The following PSD3 variants were observed in gnomAD, a reference collection of about 807,000 sequenced individuals.
PSD3 encodes the protein PH and SEC7 domain-containing protein 3.
A neutral mutation model predicts 105.5 loss-of-function variants in PSD3; 49 were observed. The ratio of observed to expected loss-of-function variants is 0.46; its 90% CI spans 0.37 to 0.59. The LOEUF is 0.59. Among genes scored for constraint, PSD3 ranks in the 20% least tolerant of loss-of-function variants. The pLI, the probability that PSD3 is intolerant of heterozygous loss-of-function variation, is 0.00. For synonymous variants in PSD3, 557 were observed against 457.8 expected (o/e 1.22, Z -2.77); for missense variants, 1,561 against 1,263.8 (o/e 1.24, Z -3.57).
chr8:18,586,923 C>T (rs1273577524), intron 12 of PSD3, among the ~76,000 whole-genome samples: 2 of 151,912 alleles, frequency 1.3e-5, no homozygotes, highest in Non-Finnish European at 2.9e-5. Flanking sequence ...GCTAGTGAGG[C>T]CCTTAAGGAT....
At chr8:18,707,194 C>T (rs752402475) in intron 9 of PSD3, among the ~76,000 whole-genome samples, 6 of 152,126 alleles carry the variant, frequency 3.9e-5, no homozygotes, top group Non-Finnish European at 5.9e-5. Context: ...CCTTCAAAAA[C>T]GCCTCAAAGC....
At chr8:18,883,969 T>G (rs1818289780) in intron 2 of PSD3, among the ~76,000 whole-genome samples, 1 of 152,162 alleles carries the variant, frequency 6.6e-6, no homozygotes, top group South Asian at 2.1e-4. Flanking sequence ...ATATTAATAT[T>G]ATGTTAGTAC....
chr8:18,820,563 C>G (rs1314108898), intron 4 of PSD3, among the ~76,000 whole-genome samples: 1 of 152,050 alleles, frequency 6.6e-6, no homozygotes, highest in Non-Finnish European at 1.5e-5. Flanking sequence ...AATGTAAATG[C>G]TATGTTAATA....
At position 19,069,961 on chromosome 8, in the gene PSD3, T is replaced by C. The variant is rs571881818; in HGVS notation, c.324+14245A>G. ...GCTTTTCTTTTTTCTTTTTTTTTTT[T>C]TTGAGACAGAGTCTTGCTCTGTCAC... is the stretch of plus-strand genomic sequence containing the variant. On this transcript the variant is annotated intron_variant, in intron 1 of 1. Transcript: ENST00000521475. Among the ~76,000 whole-genome samples the C allele has an allele frequency of 4.1e-3, 615 of 151,770 alleles. 1 individual carries two copies. Among genetic ancestry groups the C allele is most frequent in the Middle Eastern group, 6.8e-3 (2 of 294 alleles).
At chr8:18,538,827 G>C (rs1799978744) in intron 15 of PSD3, among the ~76,000 whole-genome samples, 2 of 152,154 alleles carry the variant, frequency 1.3e-5, no homozygotes, top group Admixed American at 1.3e-4. Context: ...AATTACATCA[G>C]TGTGTCAATC....
At chr8:19,035,817 C>A (rs190417299) in intron 1 of PSD3, among the ~76,000 whole-genome samples, 1 of 152,020 alleles carries the variant, frequency 6.6e-6, no homozygotes. Flanking sequence ...TGCTATGACC[C>A]GATCTCAGCT....
intron 14 of PSD3, among the ~76,000 whole-genome samples, chr8:18,557,803 T>C (rs1358702525): frequency 2.0e-5 from 3 of 152,202 alleles, no homozygotes; most frequent in Admixed American, 6.5e-5. Flanking sequence ...ATGCTTCAGG[T>C]AGCTTTTATT....
intron 15 of PSD3, among the ~76,000 whole-genome samples, chr8:18,548,059 G>C (rs1004490794): frequency 5.9e-5 from 9 of 151,880 alleles, no homozygotes; most frequent in African/African-American, 2.2e-4. Flanking sequence ...CAAGTTCTCA[G>C]CTTCTTTCTT....
At position 18,867,956 on chromosome 8, in the gene PSD3, TTGTCCAAAA is replaced by T; in HGVS notation, c.1343_1351del (p.Ile448_Asp450del). 6.2e-7 allele frequency: 1 copy of T among 1,614,184 alleles called. No individual in the cohort carries two copies. Among genetic ancestry groups the T allele is most frequent in the Non-Finnish European group, 8.5e-7 (1 of 1,180,030 alleles). ...CTCTGCACTGTAGTATAAAGAAGTG[TTGTCCAAAA>T]TGGTTTCAAACTGGGAGCTGTACAC... is the stretch of plus-strand genomic sequence containing the variant. On this transcript the variant is annotated inframe_deletion, in exon 4 of 16. Transcript: ENST00000327040.
chr8:19,003,559 G>A (rs1826510500), intron 1 of PSD3, among the ~76,000 whole-genome samples: 1 of 151,948 alleles, frequency 6.6e-6, no homozygotes, highest in South Asian at 2.1e-4. Context: ...TGAGTTTCAT[G>A]GAGATCTGTG....
intron 1 of PSD3, among the ~76,000 whole-genome samples, chr8:18,969,372 A>G (rs566943510): frequency 1.3e-5 from 2 of 152,336 alleles, no homozygotes; most frequent in East Asian, 1.9e-4. Flanking sequence ...TAAAATGACT[A>G]TAACATTAGC....
intron 1 of PSD3, among the ~76,000 whole-genome samples, chr8:19,047,987 G>T (rs1828385609): frequency 6.6e-6 from 1 of 151,788 alleles, no homozygotes; most frequent in African/African-American, 2.4e-5. Flanking sequence ...TTCTACCTTT[G>T]CCTCTTCAGC....
At chr8:18,685,399 T>C (rs1470641064) in intron 9 of PSD3, among the ~76,000 whole-genome samples, 1 of 152,028 alleles carries the variant, frequency 6.6e-6, no homozygotes, top group East Asian at 1.9e-4. Context: ...AGGGGCTTTC[T>C]TCCTATATCC....
At chr8:18,617,547 A>G (rs1006656280) in intron 11 of PSD3, among the ~76,000 whole-genome samples, 1 of 152,138 alleles carries the variant, frequency 6.6e-6, no homozygotes, top group Non-Finnish European at 1.5e-5. Context: ...CAAACAAACA[A>G]AACTCTTATA....
intron 4 of PSD3, among the ~76,000 whole-genome samples, chr8:18,845,476 C>T (rs1320727399): frequency 2.0e-5 from 3 of 152,190 alleles, no homozygotes; most frequent in Non-Finnish European, 4.4e-5. Flanking sequence ...GCACGGCATT[C>T]GGAAGACAGG....
At chr8:18,551,112 C>T (rs1308259972) in intron 15 of PSD3, among the ~76,000 whole-genome samples, 1 of 152,130 alleles carries the variant, frequency 6.6e-6, no homozygotes, top group East Asian at 1.9e-4. Context: ...ACAGTTGGCA[C>T]TGTATTGAGA....
intron 9 of PSD3, among the ~76,000 whole-genome samples, chr8:18,712,600 G>C (rs182466719): frequency 6.6e-6 from 1 of 152,044 alleles, no homozygotes; most frequent in Non-Finnish European, 1.5e-5. Context: ...TCCCTGAACA[G>C]ACCAATATTG....
At chr8:18,783,040 C>G (rs1457004294) in intron 8 of PSD3, among the ~76,000 whole-genome samples, 1 of 152,100 alleles carries the variant, frequency 6.6e-6, no homozygotes, top group East Asian at 1.9e-4. Context: ...AAGTGTTACT[C>G]TTTTTTTCTG....
At chr8:18,670,865 G>A (rs562186649) in intron 9 of PSD3, among the ~76,000 whole-genome samples, 3 of 152,232 alleles carry the variant, frequency 2.0e-5, no homozygotes, top group African/African-American at 7.2e-5. Context: ...AGCAACTCGG[G>A]GAGCAGGGTG....
Sources: gnomAD v4.1 joint callset for allele counts (sites outside exome capture counted in the v4.1 genomes callset) on GRCh38, gnomAD v4.1.1 for gene constraint, MANE v1.5 for transcripts, NCBI Gene and HGNC (gene_info 2026-07-23, HGNC 2026-07-21) for gene names.